TIMELESS: variants seen among roughly 807,000 people sequenced by gnomAD.
The protein encoded by TIMELESS is timeless circadian regulator.
A neutral mutation model predicts 164.3 loss-of-function variants in TIMELESS; 124 were observed. The ratio of observed to expected loss-of-function variants is 0.75; its 90% CI spans 0.65 to 0.88. TIMELESS has a LOEUF of 0.88. TIMELESS is among the 40% of genes least tolerant of loss of function. The pLI is 0.00. For synonymous variants in TIMELESS, 564 were observed against 563.4 expected, an observed-to-expected ratio of 1.00 and a Z score of -0.02; for missense variants, 1,422 against 1,491.4, an observed-to-expected ratio of 0.95 and a Z score of 0.77.
intron 13 of TIMELESS, 142 bp from the exon 14 acceptor site, chr12:56,425,294 G>A: frequency 2.8e-6 from 3 of 1,058,648 alleles, no homozygotes; most frequent in South Asian, 3.4e-5. Flanking sequence ...GAAAGCAATA[G>A]TGAACAGCAT....
At chr12:56,446,145 C>T (rs60897073) in intron 1 of TIMELESS, among the ~76,000 whole-genome samples, 11,214 of 152,166 alleles carry the variant, frequency 0.074, 1,351 homozygotes, top group African/African-American at 0.25. Flanking sequence ...GCTCAAGCGA[C>T]CCACCCACCT....
chr12:56,430,609 C>T (rs1311924334), intron 9 of TIMELESS, among the ~76,000 whole-genome samples: 1 of 152,180 alleles, frequency 6.6e-6, no homozygotes. Context: ...TCAAGCAATT[C>T]TCCTTCCTTA....
At chr12:56,427,021 A>G (rs1393358793) in intron 13 of TIMELESS, among the ~76,000 whole-genome samples, 1 of 152,146 alleles carries the variant, frequency 6.6e-6, no homozygotes, top group East Asian at 1.9e-4. Context: ...CAATGTCTCA[A>G]TCACAGCTCA....
intron 10 of TIMELESS, 36 bp downstream of exon 10, chr12:56,430,069 T>C (rs1475482841): frequency 6.4e-7 from 1 of 1,573,994 alleles, no homozygotes; most frequent in Non-Finnish European, 8.6e-7. Context: ...GTCTATTCCA[T>C]TCCTGATTAT....
intron 4 of TIMELESS, 37 bp downstream of exon 4, chr12:56,433,501 C>A (rs1881965080): frequency 6.2e-7 from 1 of 1,613,758 alleles, no homozygotes; most frequent in Non-Finnish European, 8.5e-7. Context: ...ACCACTGCCC[C>A]ATATTCCACC....
chr12:56,423,145 C>T lies in TIMELESS; in HGVS notation c.2292+129G>A, dbSNP rs926188088. 3.6e-6 allele frequency: 5 copies of T among 1,399,376 alleles called. No homozygotes were observed. In the African/African-American group the frequency reaches 7.2e-5, roughly 20 times the overall value. The allele number at this position is 1,399,376 out of a possible 1,614,324, so 86.7% of individuals were successfully genotyped here. A position where few individuals can be genotyped will look rare whatever the true frequency, so the allele number is the denominator to read the frequency against. On this transcript the variant is annotated intron_variant, in intron 18 of 28. Coordinates refer to ENST00000553532, the MANE Select transcript of TIMELESS (RefSeq NM_003920.5). ...CATGCAGCTCCCTCAACCTGCCTGT[C>T]TACTTTCTCATTGTTTTCCCATCTC... is the stretch of plus-strand genomic sequence containing the variant.
Position 56,425,092 on chromosome 12 carries a change from C to G in TIMELESS, c.1639G>C (p.Gly547Arg). ...KKVLDQAIVSGNVPSSPEEVE... is the reference protein window; with the variant it reads ...KKVLDQAIVSRNVPSSPEEVE... ...TCTTCTGGGCTAGATGGGACATTAC[C>G]AGAAACAATGGCCTGGTCTAGGACC... Residue 547 changes from glycine (G) to arginine (R), a missense_variant, in exon 14 of 29, where the codon GGT becomes CGT. Coordinates refer to ENST00000553532, the MANE Select transcript of TIMELESS (RefSeq NM_003920.5). 6.2e-7 allele frequency: 1 copy of G among 1,614,146 alleles called. No homozygotes were observed.
chr12:56,422,325 C>T, intron 19 of TIMELESS, 134 bp from the exon 20 acceptor site: 1 of 698,396 alleles, frequency 1.4e-6, no homozygotes, highest in Non-Finnish European at 2.4e-6. Flanking sequence ...CCAGCAGAGG[C>T]CTACAGTGTG....
Position 56,423,905 on chromosome 12 carries a change from G to A in TIMELESS, c.1869-11C>T, listed in dbSNP as rs111431719. On this transcript the variant is annotated splice_polypyrimidine_tract_variant and intron_variant, in intron 15 of 28. Transcript: ENST00000553532. ...TCAGGCCACACCTCCCTGGAGCACAGATAGAAAAAAGGCTTTACCCAGGGG... is the reference window on the plus strand; with the variant it reads ...TCAGGCCACACCTCCCTGGAGCACAAATAGAAAAAAGGCTTTACCCAGGGG... The A allele has an allele frequency of 5.0e-6, 8 of 1,611,682 alleles. No individual in the cohort carries two copies. Among genetic ancestry groups the A allele is most frequent in the Admixed American group, 1.7e-5 (1 of 59,668 alleles).
At chr12:56,436,235 C>T (rs1882066922) in intron 1 of TIMELESS, among the ~76,000 whole-genome samples, 1 of 152,108 alleles carries the variant, frequency 6.6e-6, no homozygotes, top group Non-Finnish European at 1.5e-5. Flanking sequence ...GTGTGGATCA[C>T]CTTAGGTCAG....
chr12:56,431,319 A>G (rs1337790829), intron 8 of TIMELESS, 152 bp downstream of exon 8: 3 of 939,640 alleles, frequency 3.2e-6, no homozygotes, highest in Admixed American at 3.0e-5. Context: ...GTGCCAGTGC[A>G]CTCCAGCCTG....
chr12:56,442,552 A>G (rs1011983103), intron 1 of TIMELESS, among the ~76,000 whole-genome samples: 2 of 152,228 alleles, frequency 1.3e-5, no homozygotes, highest in Non-Finnish European at 2.9e-5. Context: ...CACTATATAC[A>G]TCAGTTTGGC....
chr12:56,433,140 G>C lies in TIMELESS; in HGVS notation c.430-13C>G, dbSNP rs776502571. ...GTTCCTCCCAGCCCTAACCAGAAGA[G>C]AGTAAGAGGAAGAGACTCCCTGTGG... is the stretch of plus-strand genomic sequence containing the variant. On this transcript the variant is annotated splice_polypyrimidine_tract_variant and intron_variant, in intron 5 of 28. Transcript: ENST00000553532. The C allele has an allele frequency of 1.9e-5, 30 of 1,613,082 alleles. No individual in the cohort carries two copies. The highest frequency in any genetic ancestry group is 1.6e-4 in the Middle Eastern group (1 of 6,084).
chr12:56,439,801 TA>T (rs1868251320), intron 1 of TIMELESS, among the ~76,000 whole-genome samples: 1 of 152,236 alleles, frequency 6.6e-6, no homozygotes, highest in Non-Finnish European at 1.5e-5. Flanking sequence ...ATTCTGTTTC[TA>T]CCATTTTAAC....
At position 56,434,344 on chromosome 12, in the gene TIMELESS, A is replaced by G. The variant is rs1882001704; in HGVS notation, c.-61-113T>C. On this transcript the variant is annotated intron_variant, in intron 1 of 28. Coordinates refer to ENST00000553532, the MANE Select transcript of TIMELESS (RefSeq NM_003920.5). The stretch of plus-strand genomic sequence containing the variant: ...TCTGAACAAGATCCTCAAATGTTTG[A>G]CTTTTGTCACAACCAAAAGTTCTGC... 1.3e-5 allele frequency: 8 copies of G among 608,918 alleles called. No homozygotes were observed. In the Admixed American group the frequency reaches 2.4e-4, roughly 18 times the overall value. 37.7% of individuals were successfully genotyped at this position (608,918 alleles called of 1,614,324 possible).
chr12:56,438,912 C>G (rs1882159930), intron 1 of TIMELESS, among the ~76,000 whole-genome samples: 1 of 151,466 alleles, frequency 6.6e-6, no homozygotes, highest in African/African-American at 2.4e-5. Flanking sequence ...ACCTGTAATC[C>G]CAGCACTTTT....
In TIMELESS at chr12:56,423,699, C is replaced by T. The variant is rs775486320; in HGVS notation, c.1975G>A (p.Gly659Ser). The change falls in exon 17 of 29, where the codon GGC becomes AGC. Residue 659 changes from glycine (G) to serine (S), a missense_variant. Gly to Ser is a moderately conservative substitution (Grantham distance 56). Transcript: ENST00000553532. ...ILSAPLPRQQ[G>S]PEERGAEEEE... ...TCCTCTGCCCCACGTTCCTCTGGGC[C>T]CTGCTGCCCTATAGACAGAGGGAGG... is the stretch of plus-strand genomic sequence containing the variant. 7 of 1,613,980 alleles carry T rather than the reference C, an allele frequency of 4.3e-6. 1 individual carries two copies. The South Asian group carries it at 6.6e-5, about 15-fold the overall frequency.
In TIMELESS at chr12:56,434,192, G is replaced by T. The variant is rs1264755776; in HGVS notation, c.-22C>A. ...CCATACATCAGTGGACCAACCAACA[G>T]AGAAGGAAGTGGAGAAACAGGAGAC... is the stretch of plus-strand genomic sequence containing the variant. On this transcript the variant is annotated 5_prime_UTR_variant, in exon 2 of 29. The change creates a new upstream start codon in the 5' untranslated region. Transcript: ENST00000553532. The T allele has an allele frequency of 5.1e-6, 8 of 1,577,582 alleles. No individual in the cohort carries two copies. Among genetic ancestry groups the T allele is most frequent in the Non-Finnish European group, 7.0e-6 (8 of 1,146,948 alleles).
chr12:56,431,081 C>G, intron 8 of TIMELESS, 113 bp from the exon 9 acceptor site: 1 of 657,606 alleles, frequency 1.5e-6, no homozygotes, highest in Non-Finnish European at 2.5e-6. Flanking sequence ...TGGTCGGGCA[C>G]GGTGGCTCAC....
Sources: gnomAD v4.1 joint callset for allele counts (sites outside exome capture counted in the v4.1 genomes callset) on GRCh38, gnomAD v4.1.1 for gene constraint, MANE v1.5 for transcripts, NCBI Gene and HGNC (gene_info 2026-07-23, HGNC 2026-07-21) for gene names.